The following GRM5 variants were observed in gnomAD, a reference collection of about 807,000 sequenced individuals.
The protein encoded by GRM5 is glutamate metabotropic receptor 5.
In GRM5, 19 loss-of-function variants were observed where a neutral mutation model predicts 83.1. The observed-to-expected ratio is 0.23, with a 90% CI of 0.16 to 0.34. The LOEUF is 0.34. Ranked by LOEUF, GRM5 falls within the 10% of genes least tolerant of loss-of-function variation. The pLI is 1.00. For missense variants in GRM5, 1,160 were observed against 1,588.3 expected (o/e 0.73, Z 4.58); for synonymous variants, 675 against 633.6 (o/e 1.07, Z -0.98).
chr11:88,789,932 G>A (rs528982754), intron 3 of GRM5, among the ~76,000 whole-genome samples: 1 of 152,096 alleles, frequency 6.6e-6, no homozygotes. Flanking sequence ...TTAGCTCACT[G>A]CAACCTCTGC....
intron 3 of GRM5, among the ~76,000 whole-genome samples, chr11:88,793,405 G>T (rs1943214270): frequency 6.6e-6 from 1 of 152,132 alleles, no homozygotes; most frequent in Admixed American, 6.6e-5. Context: ...GGACTGCTAG[G>T]TATTTCTGGA....
At chr11:89,004,797 A>G (rs1357002294) in intron 2 of GRM5, among the ~76,000 whole-genome samples, 2 of 152,204 alleles carry the variant, frequency 1.3e-5, no homozygotes, top group Admixed American at 1.3e-4. Flanking sequence ...ATTTGATTAC[A>G]TGAACTTAAA....
At position 88,925,317 on chromosome 11, in the gene GRM5, T is replaced by C. The variant is rs1945768662; in HGVS notation, c.662-75162A>G. On this transcript the variant is annotated intron_variant, in intron 2 of 9. Coordinates refer to ENST00000305447, the MANE Select transcript of GRM5 (RefSeq NM_001143831.3). ...AAAGATCAGAGATACTGACTACTTT[T>C]TGCTGCTTTATTTTTTTCCTTTTCC... is the stretch of plus-strand genomic sequence containing the variant. Among the ~76,000 whole-genome samples, 4 of 73,480 alleles carry C rather than the reference T, an allele frequency of 5.4e-5. No individual in the cohort carries two copies. In the South Asian group the frequency reaches 2.8e-3, roughly 51 times the overall value. 48.2% of individuals were successfully genotyped at this position (73,480 alleles called of 152,430 possible).
chr11:88,915,133 G>T (rs1157196965), intron 2 of GRM5, among the ~76,000 whole-genome samples: 1 of 151,788 alleles, frequency 6.6e-6, no homozygotes, highest in African/African-American at 2.4e-5. Flanking sequence ...ACTCTTTGTA[G>T]AATAAAAAAA....
At chr11:88,707,419 A>G (rs1284411956) in intron 3 of GRM5, among the ~76,000 whole-genome samples, 1 of 152,066 alleles carries the variant, frequency 6.6e-6, no homozygotes, top group African/African-American at 2.4e-5. Context: ...CCTATGCATA[A>G]CTACTCCACT....
chr11:89,051,597 C>A (rs1350703109), intron 1 of GRM5, among the ~76,000 whole-genome samples: 2 of 151,284 alleles, frequency 1.3e-5, no homozygotes, highest in African/African-American at 4.9e-5. Flanking sequence ...GTAATCCCAG[C>A]TACTCAGGAG....
intron 7 of GRM5, among the ~76,000 whole-genome samples, chr11:88,572,492 A>G (rs1451043743): frequency 1.3e-5 from 2 of 152,204 alleles, no homozygotes; most frequent in Non-Finnish European, 2.9e-5. Flanking sequence ...TCAGGTTCAC[A>G]GATATCTCTT....
chr11:88,749,012 A>C (rs1424384384), intron 3 of GRM5, among the ~76,000 whole-genome samples: 1 of 152,212 alleles, frequency 6.6e-6, no homozygotes, highest in Admixed American at 6.5e-5. Context: ...AAAATGCTGA[A>C]AACTCAAAAA....
At chr11:88,776,566 G>A (rs1942855112) in intron 3 of GRM5, among the ~76,000 whole-genome samples, 1 of 152,190 alleles carries the variant, frequency 6.6e-6, no homozygotes, top group African/African-American at 2.4e-5. Context: ...CATTTTTGCA[G>A]TGGCTTGTAC....
At chr11:89,029,473 T>A (rs956287512) in intron 2 of GRM5, among the ~76,000 whole-genome samples, 13 of 152,196 alleles carry the variant, frequency 8.5e-5, no homozygotes, top group African/African-American at 3.1e-4. Context: ...GATTCTGGTA[T>A]AATTTGATAG....
At chr11:88,821,501 T>A (rs1943794548) in intron 3 of GRM5, among the ~76,000 whole-genome samples, 1 of 152,096 alleles carries the variant, frequency 6.6e-6, no homozygotes, top group South Asian at 2.1e-4. Flanking sequence ...GTAAGCCATA[T>A]CCTTAGTTTC....
At chr11:88,860,786 T>C (rs1301180647) in intron 2 of GRM5, among the ~76,000 whole-genome samples, 1 of 152,176 alleles carries the variant, frequency 6.6e-6, no homozygotes. Context: ...TGTAGTATAA[T>C]GGCTGCACTG....
Position 88,644,178 on chromosome 11 carries a change from A to G in GRM5, c.1147+8990T>C, listed in dbSNP as rs538379662. ...ATTTTGTAACGGCAACAGTTTGTAC[A>G]TACACACAAGAATATGCAAGGCACA... On this transcript the variant is annotated intron_variant, in intron 4 of 9. Coordinates refer to ENST00000305447, the MANE Select transcript of GRM5 (RefSeq NM_001143831.3). Among the ~76,000 whole-genome samples, 31 of 152,332 alleles carry G rather than the reference A, an allele frequency of 2.0e-4. 2 individuals are homozygous for G. Among genetic ancestry groups the G allele is most frequent in the Admixed American group, 7.8e-4 (12 of 15,302 alleles).
At chr11:88,597,104 A>G in intron 6 of GRM5, 80 bp downstream of exon 6, 1 of 897,198 alleles carries the variant, frequency 1.1e-6, no homozygotes, top group South Asian at 2.1e-5. Context: ...ATAAGTGTCT[A>G]AAATTTTTAA....
intron 2 of GRM5, among the ~76,000 whole-genome samples, chr11:89,030,041 A>C (rs1391255026): frequency 8.5e-5 from 13 of 152,246 alleles, no homozygotes; most frequent in Admixed American, 3.3e-4. Flanking sequence ...TCTAAAATTG[A>C]CACCAATAAC....
At chr11:88,906,278 G>A (rs1565286361) in intron 2 of GRM5, among the ~76,000 whole-genome samples, 1 of 152,112 alleles carries the variant, frequency 6.6e-6, no homozygotes, top group Non-Finnish European at 1.5e-5. Context: ...TCACAACAGA[G>A]GGCAACTAAA....
intron 2 of GRM5, among the ~76,000 whole-genome samples, chr11:88,980,333 T>C (rs1409934468): frequency 6.6e-6 from 1 of 152,132 alleles, no homozygotes; most frequent in Admixed American, 6.5e-5. Context: ...GTTAATGAAA[T>C]TAAGAGAGTC....
At chr11:88,763,883 T>C (rs533041033) in intron 3 of GRM5, among the ~76,000 whole-genome samples, 26 of 151,746 alleles carry the variant, frequency 1.7e-4, no homozygotes, top group Non-Finnish European at 2.5e-4. Context: ...TTATCATTTA[T>C]TGCCTTAAAT....
intron 3 of GRM5, among the ~76,000 whole-genome samples, chr11:88,655,832 G>A (rs1451067516): frequency 6.6e-6 from 1 of 152,056 alleles, no homozygotes; most frequent in Non-Finnish European, 1.5e-5. Context: ...AAAGGAGATA[G>A]TGTGTAAACA....
Sources: gnomAD v4.1 joint callset for allele counts (sites outside exome capture counted in the v4.1 genomes callset) on GRCh38, gnomAD v4.1.1 for gene constraint, MANE v1.5 for transcripts, NCBI Gene and HGNC (gene_info 2026-07-23, HGNC 2026-07-21) for gene names.